RBFOX3: variants seen among roughly 807,000 people sequenced by gnomAD.
The protein encoded by RBFOX3 is RNA binding fox-1 homolog 3.
Under a neutral mutation model 48.7 loss-of-function variants are expected in RBFOX3, and 17 were observed. That is an observed-to-expected ratio of 0.35 (90% CI 0.24 to 0.52). The LOEUF is 0.52. Among genes scored for constraint, RBFOX3 ranks in the 20% least tolerant of loss-of-function variants. The probability of loss-of-function intolerance (pLI) is 0.94; values close to 1 mark genes in which losing one functional copy is unlikely to be tolerated. For missense variants in RBFOX3, 382 were observed against 497.5 expected, an observed-to-expected ratio of 0.77 and a Z score of 2.21; for synonymous variants, 212 against 209.5, an observed-to-expected ratio of 1.01 and a Z score of -0.10.
chr17:79,122,172 C>T (rs1248836182), intron 4 of RBFOX3, among the ~76,000 whole-genome samples: 1 of 152,212 alleles, frequency 6.6e-6, no homozygotes, highest in Non-Finnish European at 1.5e-5. Flanking sequence ...GCAAACCCCA[C>T]TGGCTCCGCC....
chr17:79,265,696 C>A (rs1461644857), intron 3 of RBFOX3, among the ~76,000 whole-genome samples: 2 of 152,240 alleles, frequency 1.3e-5, no homozygotes, highest in African/African-American at 4.8e-5. Context: ...AAGATCACTG[C>A]TATTTTATAC....
intron 1 of RBFOX3, among the ~76,000 whole-genome samples, chr17:79,576,982 G>A (rs1384078895): frequency 3.3e-5 from 5 of 152,056 alleles, no homozygotes; most frequent in African/African-American, 1.2e-4. Flanking sequence ...GTTCCCGAGA[G>A]CCCCAAAACC....
intron 2 of RBFOX3, among the ~76,000 whole-genome samples, chr17:79,437,287 T>C (rs986633436): frequency 1.3e-4 from 20 of 152,126 alleles, no homozygotes; most frequent in Non-Finnish European, 2.8e-4. Flanking sequence ...CAGCTGCCCA[T>C]GCAAATATTG....
At chr17:79,307,193 C>T (rs977516659) in intron 3 of RBFOX3, among the ~76,000 whole-genome samples, 4 of 152,344 alleles carry the variant, frequency 2.6e-5, no homozygotes, top group African/African-American at 9.6e-5. Flanking sequence ...GCGTGTCCGC[C>T]CTGTTGCCAT....
chr17:79,106,685 C>T lies in RBFOX3; in HGVS notation c.326G>A (p.Arg109Gln). The change falls in exon 6 of 15, where the codon CGG becomes CAG. Residue 109 changes from arginine (R) to glutamine (Q), a missense_variant. Arg to Gln is a conservative substitution (Grantham distance 43, BLOSUM62 1). This residue lies in a region of RBFOX3 where 49 missense variants were observed against 110.7 expected (regional missense o/e 0.44). Transcript: ENST00000693108. ...KRLHVSNIPF[R>Q]FRDPDLRQMF... is the part of the protein sequence containing the mutation. The stretch of plus-strand genomic sequence containing the variant: ...TTGCCGCAAGTCGGGGTCCCTGAAC[C>T]GGAAGGGGATGTTGGAGACGTGTAG... 1 of 1,487,804 alleles carries T rather than the reference C, an allele frequency of 6.7e-7. No homozygotes were observed. Among genetic ancestry groups the T allele is most frequent in the Non-Finnish European group, 8.9e-7 (1 of 1,123,160 alleles). 92.2% of individuals were successfully genotyped at this position (1,487,804 alleles called of 1,614,324 possible).
rs1023142693 is a variant in RBFOX3 at position 79,481,186 on chromosome 17, C to T, written c.-175+1268G>A. On this transcript the variant is annotated intron_variant, in intron 2 of 14. Transcript: ENST00000693108. The surrounding 1 kb of genome is among the most constrained non-coding windows in gnomAD (Gnocchi z 5.4). ...GGTATTGGAGAGACCAGCCTGTGTC[C>T]GGGCCTCTGGTCTCTTTGTCCAGGG... 3.9e-5 allele frequency among the ~76,000 whole-genome samples: 6 copies of T among 152,152 alleles called. No individual in the cohort carries two copies. Among genetic ancestry groups the T allele is most frequent in the Middle Eastern group, 3.2e-3 (1 of 316 alleles).
At chr17:79,442,066 G>A (rs1197260117) in intron 2 of RBFOX3, among the ~76,000 whole-genome samples, 18 of 151,530 alleles carry the variant, frequency 1.2e-4, no homozygotes, top group Admixed American at 1.2e-3. Flanking sequence ...AAAGGCCCTG[G>A]GGTGAAAGGG....
chr17:79,420,139 AC>A (rs1555721419), intron 2 of RBFOX3, among the ~76,000 whole-genome samples: 1 of 128,826 alleles, frequency 7.8e-6, no homozygotes, highest in Non-Finnish European at 1.6e-5. Flanking sequence ...ACACACACAC[AC>A]ACACACACAC....
chr17:79,341,030 A>G (rs1446358469), intron 2 of RBFOX3, among the ~76,000 whole-genome samples: 3 of 152,248 alleles, frequency 2.0e-5, no homozygotes, highest in Non-Finnish European at 4.4e-5. Flanking sequence ...CTCTGGGCTC[A>G]GCAGTTGGTT....
chr17:79,125,496 C>T (rs74986112), intron 4 of RBFOX3, among the ~76,000 whole-genome samples: 4,015 of 152,336 alleles, frequency 0.026, 173 homozygotes, highest in African/African-American at 0.089. Context: ...ATGTGCTCTC[C>T]GGTCCTGCCT....
intron 2 of RBFOX3, among the ~76,000 whole-genome samples, chr17:79,434,518 G>A (rs1369988844): frequency 6.6e-6 from 1 of 152,152 alleles, no homozygotes; most frequent in Non-Finnish European, 1.5e-5. Context: ...AGCGAGTTGG[G>A]ATTCTCTTTA....
chr17:79,501,614 T>C (rs1314495587), intron 1 of RBFOX3, among the ~76,000 whole-genome samples: 1 of 152,234 alleles, frequency 6.6e-6, no homozygotes, highest in Non-Finnish European at 1.5e-5. Flanking sequence ...GGCCTCTCAC[T>C]GTGGCAGACG....
chr17:79,333,697 C>A (rs973895728), intron 2 of RBFOX3, among the ~76,000 whole-genome samples: 1 of 152,164 alleles, frequency 6.6e-6, no homozygotes, highest in African/African-American at 2.4e-5. Flanking sequence ...CAGCTTCTTC[C>A]CAAAGACACA....
intron 2 of RBFOX3, among the ~76,000 whole-genome samples, chr17:79,336,871 G>A (rs2146520969): frequency 6.6e-6 from 1 of 152,216 alleles, no homozygotes; most frequent in South Asian, 2.1e-4. Context: ...TGTAATCCCA[G>A]CACTTCGGGA....
intron 3 of RBFOX3, among the ~76,000 whole-genome samples, chr17:79,294,757 C>A (rs947108933): frequency 3.3e-5 from 5 of 152,214 alleles, no homozygotes; most frequent in African/African-American, 1.2e-4. Context: ...TTCAGCTCTG[C>A]CCCATGCCTC....
upstream of RBFOX3, among the ~76,000 whole-genome samples, chr17:79,613,051 A>T (rs2093980918): frequency 6.6e-6 from 1 of 152,204 alleles, no homozygotes; most frequent in African/African-American, 2.4e-5. Context: ...CGAGTTCTGC[A>T]TGTGCCTGTG....
chr17:79,392,090 C>T lies in RBFOX3; in HGVS notation c.-174-84266G>A, dbSNP rs1394003278. 5.3e-5 allele frequency among the ~76,000 whole-genome samples: 8 copies of T among 152,174 alleles called. No individual in the cohort carries two copies. Among genetic ancestry groups the T allele is most frequent in the South Asian group, 2.1e-4 (1 of 4,814 alleles). On this transcript the variant is annotated intron_variant, in intron 2 of 14. Coordinates refer to ENST00000693108, the MANE Select transcript of RBFOX3 (RefSeq NM_001350451.2). The surrounding 1 kb of genome is among the most constrained non-coding windows in gnomAD (Gnocchi z 5.0). ...GTGCCCGGGCACTTCGGACCCGCTG[C>T]GGGACCTTGGGCAAACTCTTTTAGC...
chr17:79,555,574 GTGA>G (rs1164477268), intron 1 of RBFOX3, among the ~76,000 whole-genome samples: 11 of 3,188 alleles, frequency 3.5e-3, no homozygotes, highest in East Asian at 8.1e-3. Flanking sequence ...TGTGGTGGTA[GTGA>G]TGATGATGAT....
chr17:79,145,539 G>A (rs1383786174), intron 4 of RBFOX3, among the ~76,000 whole-genome samples: 1 of 152,224 alleles, frequency 6.6e-6, no homozygotes, highest in Non-Finnish European at 1.5e-5. Flanking sequence ...CCAGCCCACA[G>A]GCCAGCCCAG....
Sources: allele counts gnomAD v4.1 joint callset (sites outside exome capture counted in the v4.1 genomes callset), GRCh38; gene constraint gnomAD v4.1.1; regional missense constraint gnomAD v4.1.1; non-coding constraint Gnocchi (gnomAD v3.1); transcripts MANE v1.5; gene names NCBI Gene and HGNC (gene_info 2026-07-23, HGNC 2026-07-21).